The following BMAL1 variants were observed in gnomAD, a reference collection of about 807,000 sequenced individuals.
BMAL1 encodes basic helix-loop-helix ARNT-like protein 1.
At chr11:13,371,966 T>C in the BMAL1 span, among the ~76,000 whole-genome samples, 12 of 152,226 alleles carry the variant, frequency 7.9e-5, no homozygotes, top group African/African-American at 1.2e-4. Context: ...CTGGCCCTAC[T>C]TAAGCATTCT....
the BMAL1 span, among the ~76,000 whole-genome samples, chr11:13,325,695 G>GT: frequency 1.7e-4 from 26 of 151,342 alleles, no homozygotes; most frequent in African/African-American, 5.3e-4. Flanking sequence ...GTGTGTGTGT[G>GT]GGCTTGAATG....
At chr11:13,307,930 G>T in the BMAL1 span, among the ~76,000 whole-genome samples, 3 of 152,168 alleles carry the variant, frequency 2.0e-5, no homozygotes, top group Non-Finnish European at 4.4e-5. Flanking sequence ...GGAAAGAAAT[G>T]ACACAATCTG....
chr11:13,366,708 A>C, the BMAL1 span: 1 of 1,614,082 alleles, frequency 6.2e-7, no homozygotes, highest in Non-Finnish European at 8.5e-7. Context: ...CTGCATCCTA[A>C]AGATATTGCC....
the BMAL1 span, among the ~76,000 whole-genome samples, chr11:13,310,444 C>A: frequency 6.6e-6 from 1 of 152,058 alleles, no homozygotes; most frequent in African/African-American, 2.4e-5. Flanking sequence ...AGCAGCAGTC[C>A]CATAGGAGCA....
chr11:13,324,774 G>A, the BMAL1 span, among the ~76,000 whole-genome samples: 2 of 152,210 alleles, frequency 1.3e-5, no homozygotes, highest in African/African-American at 2.4e-5. Context: ...GTGGGTGGAT[G>A]GACAAATGAC....
chr11:13,298,730 A>C, the BMAL1 span, among the ~76,000 whole-genome samples: 1 of 152,228 alleles, frequency 6.6e-6, no homozygotes, highest in Non-Finnish European at 1.5e-5. Flanking sequence ...CATGGATGCC[A>C]GTATTTTCAT....
chr11:13,341,042 C>G, the BMAL1 span, among the ~76,000 whole-genome samples: 3 of 152,218 alleles, frequency 2.0e-5, no homozygotes, highest in East Asian at 5.8e-4. Context: ...TGACCACCAT[C>G]CTGCCCTGCC....
At chr11:13,308,253 G>C in the BMAL1 span, among the ~76,000 whole-genome samples, 4 of 152,208 alleles carry the variant, frequency 2.6e-5, no homozygotes, top group African/African-American at 9.7e-5. Flanking sequence ...GAGCACGTCA[G>C]GGGTCTGTGT....
At chr11:13,325,656 T>TG in the BMAL1 span, among the ~76,000 whole-genome samples, 5 of 125,722 alleles carry the variant, frequency 4.0e-5, no homozygotes, top group South Asian at 5.8e-4. Context: ...TTTGAGACCT[T>TG]TTGTGTGTGT....
chr11:13,369,731 G>A, the BMAL1 span: 1 of 1,613,760 alleles, frequency 6.2e-7, no homozygotes, highest in Non-Finnish European at 8.5e-7. Context: ...AAAGGTTGAA[G>A]ACAAGGACTT....
the BMAL1 span, among the ~76,000 whole-genome samples, chr11:13,283,945 C>G: frequency 6.6e-6 from 1 of 151,342 alleles, no homozygotes; most frequent in East Asian, 1.9e-4. Flanking sequence ...ACTCACTAAC[C>G]CCACCTCCCA....
chr11:13,359,305 G>A, the BMAL1 span, among the ~76,000 whole-genome samples: 1 of 152,168 alleles, frequency 6.6e-6, no homozygotes, highest in African/African-American at 2.4e-5. Flanking sequence ...TTGGAAAGTG[G>A]GCGCTCAGTC....
At chr11:13,363,397 CAA>C in the BMAL1 span, among the ~76,000 whole-genome samples, 1 of 152,004 alleles carries the variant, frequency 6.6e-6, no homozygotes, top group Admixed American at 6.5e-5. Flanking sequence ...ATGCAGCACT[CAA>C]GAGTGATCTC....
At chr11:13,342,079 A>G in the BMAL1 span, among the ~76,000 whole-genome samples, 2 of 152,200 alleles carry the variant, frequency 1.3e-5, no homozygotes, top group Non-Finnish European at 2.9e-5. Flanking sequence ...CTGCCTGGGG[A>G]GAGGCAGCAC....
chr11:13,332,860 A>G, the BMAL1 span, among the ~76,000 whole-genome samples: 2 of 152,086 alleles, frequency 1.3e-5, no homozygotes, highest in Non-Finnish European at 2.9e-5. Context: ...GCGAACTGGA[A>G]TGACCCCAGG....
the BMAL1 span, among the ~76,000 whole-genome samples, chr11:13,287,184 T>C: frequency 1.3e-5 from 2 of 152,198 alleles, no homozygotes; most frequent in Non-Finnish European, 2.9e-5. Flanking sequence ...GTGGCAGAGC[T>C]CAACTGGCAG....
the BMAL1 span, among the ~76,000 whole-genome samples, chr11:13,302,239 G>A: frequency 0.58 from 87,269 of 151,362 alleles, 27,409 homozygotes; most frequent in Non-Finnish European, 0.7. Flanking sequence ...AATAGGTCTG[G>A]GCTGAGGAGA....
chr11:13,295,037 CT>C, the BMAL1 span, among the ~76,000 whole-genome samples: 6 of 152,194 alleles, frequency 3.9e-5, no homozygotes, highest in African/African-American at 1.4e-4. Flanking sequence ...GCAGTCAAGA[CT>C]GCAGGGAAGG....
the BMAL1 span, chr11:13,372,248 C>G: frequency 6.2e-7 from 1 of 1,614,170 alleles, no homozygotes; most frequent in Non-Finnish European, 8.5e-7. Flanking sequence ...ATGAAGACAA[C>G]GAACCAGACA....
Sources: allele counts gnomAD v4.1 joint callset (sites outside exome capture counted in the v4.1 genomes callset), GRCh38; gene constraint gnomAD v4.1.1; transcripts MANE v1.5; gene names NCBI Gene and HGNC (gene_info 2026-07-23, HGNC 2026-07-21).